CNBD1: variants seen among roughly 807,000 people sequenced by gnomAD.
CNBD1 encodes cyclic nucleotide-binding domain-containing protein 1.
In CNBD1, 71 loss-of-function variants were observed where a neutral mutation model predicts 54.4. The ratio of observed to expected loss-of-function variants is 1.30; its 90% CI spans 1.08 to 1.59. CNBD1 has a LOEUF of 1.59. Ranked by LOEUF, CNBD1 falls within the 40% of genes most tolerant of loss-of-function variation. The pLI, the probability that CNBD1 is intolerant of heterozygous loss-of-function variation, is 0.00. For synonymous variants in CNBD1, 182 were observed against 170.7 expected (o/e 1.07, Z -0.51); for missense variants, 659 against 518.0 (o/e 1.27, Z -2.64).
chr8:87,277,875 A>G (rs139676840), intron 6 of CNBD1, among the ~76,000 whole-genome samples: 3 of 151,870 alleles, frequency 2.0e-5, no homozygotes, highest in African/African-American at 7.2e-5. Context: ...TTTTTTATAA[A>G]CAATAAAAAA....
In CNBD1 at chr8:87,274,131, T is replaced by A. The variant is rs188352228; in HGVS notation, c.772-10547T>A. On this transcript the variant is annotated intron_variant, in intron 6 of 10. Transcript: ENST00000518476. ...TTTTTTATGGCTGCATAGTATTCCA[T>A]AGTGTATATGTGCCACATTTTCTTA... Among the ~76,000 whole-genome samples the A allele has an allele frequency of 2.6e-5, 4 of 152,148 alleles. No homozygotes were observed. In the East Asian group the frequency reaches 7.7e-4, roughly 29 times the overall value.
At position 87,286,597 on chromosome 8, in the gene CNBD1, A is replaced by C. The variant is rs1585984664; in HGVS notation, c.968A>C (p.Tyr323Ser). 1 of 1,493,972 alleles carries C rather than the reference A, an allele frequency of 6.7e-7. No individual in the cohort carries two copies. The highest frequency in any genetic ancestry group is 2.4e-5 in the East Asian group (1 of 41,198). 92.5% of individuals were successfully genotyped at this position (1,493,972 alleles called of 1,614,324 possible). A position where few individuals can be genotyped will look rare whatever the true frequency, so the allele number is the denominator to read the frequency against. The change falls in exon 8 of 11, where the codon TAT becomes TCT. Residue 323 changes from tyrosine (Y) to serine (S), a missense_variant. By Grantham distance (144) the Tyr-to-Ser change is moderately radical. Transcript: ENST00000518476. ...KLKLIRMCPYYEEWPTLSIYE... is the reference protein window; with the variant it reads ...KLKLIRMCPYSEEWPTLSIYE... ...AAATTAATCCGTATGTGTCCTTATTATGAGGAATGGCCTACTTTATCCATA... is the reference window on the plus strand; with the variant it reads ...AAATTAATCCGTATGTGTCCTTATTCTGAGGAATGGCCTACTTTATCCATA...
At chr8:87,247,944 T>G (rs1484185905) in intron 6 of CNBD1, among the ~76,000 whole-genome samples, 1 of 152,210 alleles carries the variant, frequency 6.6e-6, no homozygotes, top group Non-Finnish European at 1.5e-5. Context: ...AGTGACCTCA[T>G]TGACCTGAGT....
intron 2 of CNBD1, among the ~76,000 whole-genome samples, chr8:87,426,452 G>C (rs140420234): frequency 6.6e-6 from 1 of 152,162 alleles, no homozygotes. Flanking sequence ...ACAAAATGAT[G>C]TTCCTACAGT....
chr8:87,346,284 C>T (rs538759368), intron 8 of CNBD1, among the ~76,000 whole-genome samples: 99 of 152,194 alleles, frequency 6.5e-4, no homozygotes, highest in South Asian at 3.1e-3. Flanking sequence ...CCAGGTGATC[C>T]GCCCACCTCA....
chr8:87,005,401 A>G (rs2130551515), intron 4 of CNBD1, among the ~76,000 whole-genome samples: 1 of 152,200 alleles, frequency 6.6e-6, no homozygotes, highest in Non-Finnish European at 1.5e-5. Context: ...CACCAAATCT[A>G]TATTTTGTGA....
At position 87,314,851 on chromosome 8, in the gene CNBD1, G is replaced by A. The variant is rs74486424; in HGVS notation, c.1042+28180G>A. On this transcript the variant is annotated intron_variant, in intron 8 of 10. Transcript: ENST00000518476. ...TAAAGGTGCTGTATGAAACAAACAA[G>A]CAAAAAACCCTCAAATGATGTAAAA... 6.5e-3 allele frequency among the ~76,000 whole-genome samples: 984 copies of A among 151,986 alleles called. 11 individuals are homozygous for A. Among genetic ancestry groups the A allele is most frequent in the African/African-American group, 0.023 (938 of 41,496 alleles).
At chr8:87,107,079 C>T (rs1396066283) in intron 4 of CNBD1, among the ~76,000 whole-genome samples, 10 of 152,114 alleles carry the variant, frequency 6.6e-5, no homozygotes, top group Non-Finnish European at 8.8e-5. Context: ...CCACCTGCCT[C>T]GGCCTCCCAA....
At chr8:87,002,733 T>A (rs1420756858) in intron 4 of CNBD1, among the ~76,000 whole-genome samples, 1 of 152,092 alleles carries the variant, frequency 6.6e-6, no homozygotes, top group Non-Finnish European at 1.5e-5. Context: ...CCTCTTACCC[T>A]TATTTTTTTC....
chr8:87,231,468 G>T (rs78871110), intron 5 of CNBD1, among the ~76,000 whole-genome samples: 5,752 of 152,192 alleles, frequency 0.038, 328 homozygotes, highest in African/African-American at 0.12. Context: ...GCTTGGGAAG[G>T]ATGTTTAATT....
intron 6 of CNBD1, among the ~76,000 whole-genome samples, chr8:87,276,793 A>G (rs985688514): frequency 6.6e-5 from 10 of 151,782 alleles, no homozygotes; most frequent in Non-Finnish European, 1.3e-4. Context: ...GCTTTTCCTT[A>G]GAGACATCCA....
intron 3 of CNBD1, among the ~76,000 whole-genome samples, chr8:86,922,438 A>C (rs1173173561): frequency 1.3e-5 from 2 of 152,106 alleles, no homozygotes; most frequent in African/African-American, 4.8e-5. Context: ...AAGGAAGAAG[A>C]AAGTTTGTAT....
chr8:86,976,662 TC>T (rs1329735518), intron 4 of CNBD1, among the ~76,000 whole-genome samples: 3 of 152,016 alleles, frequency 2.0e-5, no homozygotes, highest in African/African-American at 7.2e-5. Context: ...TTCTTCCCAT[TC>T]ATGAACATAG....
At chr8:87,018,484 C>A (rs1232533827) in intron 4 of CNBD1, among the ~76,000 whole-genome samples, 1 of 152,132 alleles carries the variant, frequency 6.6e-6, no homozygotes, top group African/African-American at 2.4e-5. Flanking sequence ...ATCATTATTT[C>A]TTGGCATAAT....
At chr8:86,869,580 C>A (rs1256573628) in intron 1 of CNBD1, among the ~76,000 whole-genome samples, 1 of 152,168 alleles carries the variant, frequency 6.6e-6, no homozygotes, top group Non-Finnish European at 1.5e-5. Context: ...TTGAAACTTT[C>A]AAGTCTTTTC....
intron 8 of CNBD1, among the ~76,000 whole-genome samples, chr8:87,343,686 C>T (rs1440091106): frequency 6.6e-6 from 1 of 152,028 alleles, no homozygotes; most frequent in East Asian, 1.9e-4. Flanking sequence ...TTTCATTGCA[C>T]ATTGAAAAGT....
At chr8:87,411,949 G>A (rs191868735) in intron 2 of CNBD1, among the ~76,000 whole-genome samples, 1 of 151,892 alleles carries the variant, frequency 6.6e-6, no homozygotes, top group Non-Finnish European at 1.5e-5. Context: ...AGAAGTGTTT[G>A]ACATAGCTTT....
At chr8:87,041,188 G>C (rs931327945) in intron 4 of CNBD1, among the ~76,000 whole-genome samples, 2 of 152,112 alleles carry the variant, frequency 1.3e-5, no homozygotes, top group African/African-American at 4.8e-5. Flanking sequence ...TATGAAGCCA[G>C]ATAAAGAAAG....
At chr8:87,092,718 A>G (rs1811242730) in intron 4 of CNBD1, among the ~76,000 whole-genome samples, 1 of 151,882 alleles carries the variant, frequency 6.6e-6, no homozygotes, top group Non-Finnish European at 1.5e-5. Flanking sequence ...AATTCTCTTC[A>G]GTTTTTGCTA....
Sources: gnomAD v4.1 joint callset for allele counts (sites outside exome capture counted in the v4.1 genomes callset) on GRCh38, gnomAD v4.1.1 for gene constraint, MANE v1.5 for transcripts, NCBI Gene and HGNC (gene_info 2026-07-23, HGNC 2026-07-21) for gene names.